Variants in POLR1F observed in about 807,000 individuals in gnomAD.
POLR1F encodes the protein RNA polymerase I subunit F.
Under a neutral mutation model 21.8 loss-of-function variants are expected in POLR1F, and 23 were observed. The observed-to-expected ratio is 1.05, with a 90% CI of 0.76 to 1.49. The LOEUF (loss-of-function observed/expected upper bound fraction) is 1.49, where lower values mean the gene tolerates loss of function less well. Among genes scored for constraint, POLR1F ranks in the 40% most tolerant of loss-of-function variants. The pLI is 0.00. For missense variants in POLR1F, 435 were observed against 412.1 expected, an observed-to-expected ratio of 1.06 and a Z score of -0.48; for synonymous variants, 162 against 152.8, an observed-to-expected ratio of 1.06 and a Z score of -0.45.
In POLR1F at chr7:19,696,046, G is replaced by C. The variant is rs968850575; in HGVS notation, c.*2270C>G. 6.6e-6 allele frequency: 1 copy of C among 152,110 alleles called. No homozygotes were observed. Among genetic ancestry groups the C allele is most frequent in the African/African-American group, 2.4e-5 (1 of 41,444 alleles). 9.4% of individuals were successfully genotyped at this position (152,110 alleles called of 1,614,324 possible). ...TGCACAGTGAAATGGGTGAATGATAGGAACTGGAGAGAGGGTAAGGGATCT... is the reference window on the plus strand; with the variant it reads ...TGCACAGTGAAATGGGTGAATGATACGAACTGGAGAGAGGGTAAGGGATCT... On this transcript the variant is annotated 3_prime_UTR_variant, in exon 4 of 4. Transcript: ENST00000222567.
intron 2 of POLR1F, 31 bp from the exon 3 acceptor site, chr7:19,700,311 A>G (rs1450055289): frequency 8.4e-6 from 13 of 1,556,406 alleles, no homozygotes; most frequent in Non-Finnish European, 1.2e-5. Flanking sequence ...AGAGCGTAAC[A>G]TAAAGAACAC....
Position 19,708,785 on chromosome 7 carries a change from C to T in POLR1F, c.232G>A (p.Glu78Lys), listed in dbSNP as rs778659435. The change falls in exon 1 of 4, where the codon GAG becomes AAG. Residue 78 changes from glutamate to lysine, a missense_variant. By Grantham distance (56) the Glu-to-Lys change is moderately conservative (BLOSUM62 1). Transcript: ENST00000222567. ...TACCTCTCAGAATAGCGAAGGAGCT[C>T]CGCATCAAGCTGTTCTCGAATGCCG... ...RTGIREQLDA[E>K]LLRYSESLLG... 6.2e-7 allele frequency: 1 copy of T among 1,613,002 alleles called. No homozygotes were observed. Among genetic ancestry groups the T allele is most frequent in the East Asian group, 2.2e-5 (1 of 44,852 alleles).
rs1783399280 is a variant in POLR1F at position 19,698,278 on chromosome 7, G to A, written c.*38C>T. 6.6e-7 allele frequency: 1 copy of A among 1,514,200 alleles called. No individual in the cohort carries two copies. Among genetic ancestry groups the A allele is most frequent in the African/African-American group, 1.4e-5 (1 of 71,692 alleles). 93.8% of individuals were successfully genotyped at this position (1,514,200 alleles called of 1,614,324 possible). On this transcript the variant is annotated 3_prime_UTR_variant, in exon 4 of 4. Transcript: ENST00000222567. ...AACATTTATTCATCTATTGTATGTA[G>A]ATCGATCTTTTAAAAACTGAATCGT... is the stretch of plus-strand genomic sequence containing the variant.
intron 1 of POLR1F, among the ~76,000 whole-genome samples, 172 bp from the exon 2 acceptor site, chr7:19,705,092 G>C (rs1227594709): frequency 6.6e-6 from 1 of 152,130 alleles, no homozygotes; most frequent in African/African-American, 2.4e-5. Flanking sequence ...GCCTCCCAAA[G>C]TGCTGAGATT....
chr7:19,699,353 C>G (rs1380373793), intron 3 of POLR1F, among the ~76,000 whole-genome samples: 4 of 152,136 alleles, frequency 2.6e-5, no homozygotes, highest in Non-Finnish European at 4.4e-5. Context: ...TACCTAATCA[C>G]TACCAAAAAC....
At position 19,708,980 on chromosome 7, in the gene POLR1F, C is replaced by T; in HGVS notation, c.37G>A (p.Ala13Thr). 1 of 1,597,380 alleles carries T rather than the reference C, an allele frequency of 6.3e-7. No individual in the cohort carries two copies. The highest frequency in any genetic ancestry group is 8.5e-7 in the Non-Finnish European group (1 of 1,170,174). ...AGCSEAPRPA[A>T]ASDGSLVGQA... ...CCTACCAGAGACCCATCAGAAGCCGCCGCTGGCCGCGGCGCCTCTGAGCAA... is the reference window on the plus strand; with the variant it reads ...CCTACCAGAGACCCATCAGAAGCCGTCGCTGGCCGCGGCGCCTCTGAGCAA... The change falls in exon 1 of 4, where the codon GCG (alanine) becomes ACG (threonine). Residue 13 changes from alanine to threonine, a missense_variant. Ala to Thr is a moderately conservative substitution (Grantham distance 58). Transcript: ENST00000222567.
In POLR1F at chr7:19,704,883, C is replaced by A. The variant is rs1190938409; in HGVS notation, c.292G>T (p.Val98Phe). Residue 98 changes from valine to phenylalanine, a missense_variant, in exon 2 of 4, where the codon GTT becomes TTT. Val to Phe is a conservative substitution (Grantham distance 50). Coordinates refer to ENST00000222567, the MANE Select transcript of POLR1F (RefSeq NM_001002926.2). ...TAAATATCTCCAAGCTCTCCCACAACTTTGATGTTATCATATGCAATAGGG... is the reference window on the plus strand; with the variant it reads ...TAAATATCTCCAAGCTCTCCCACAAATTTGATGTTATCATATGCAATAGGG... ...GVPIAYDNIK[V>F]VGELGDIYDD... 1 of 1,604,826 alleles carries A rather than the reference C, an allele frequency of 6.2e-7. No homozygotes were observed. The highest frequency in any genetic ancestry group is 2.2e-5 in the East Asian group (1 of 44,582).
At chr7:19,699,449 G>GT (rs1783421579) in intron 3 of POLR1F, among the ~76,000 whole-genome samples, 1 of 152,080 alleles carries the variant, frequency 6.6e-6, no homozygotes. Context: ...TATATAAACT[G>GT]TATTTCTGTC....
At chr7:19,703,621 G>A (rs1783475306) in intron 2 of POLR1F, among the ~76,000 whole-genome samples, 1 of 152,100 alleles carries the variant, frequency 6.6e-6, no homozygotes, top group African/African-American at 2.4e-5. Context: ...TTTACAGACA[G>A]GGTCTCACTG....
At position 19,698,521 on chromosome 7, in the gene POLR1F, C is replaced by T. The variant is rs758475027; in HGVS notation, c.812G>A (p.Trp271Ter). The T allele has an allele frequency of 6.2e-7, 1 of 1,605,910 alleles. No individual in the cohort carries two copies. Among genetic ancestry groups the T allele is most frequent in the African/African-American group, 1.4e-5 (1 of 74,040 alleles). Residue 271 changes from tryptophan (W) to a stop codon, truncating the protein, a stop_gained, in exon 4 of 4, where the codon TGG becomes TAG. Transcript: ENST00000222567. LOFTEE classifies it high-confidence loss of function. ...LQNTNNANGI[W>*]EEEPKKKKKK... Reference sequence around the variant, plus strand: ...CTTCTTTTTCTTTGGCTCCTCCTCCCAGATGCCATTCGCATTATTAGTATT... The same window carrying T: ...CTTCTTTTTCTTTGGCTCCTCCTCCTAGATGCCATTCGCATTATTAGTATT...
intron 1 of POLR1F, among the ~76,000 whole-genome samples, chr7:19,708,368 C>A (rs1041762429): frequency 6.6e-6 from 1 of 152,168 alleles, no homozygotes; most frequent in Non-Finnish European, 1.5e-5. Context: ...TCAAGCACTG[C>A]AAACCAGATT....
intron 1 of POLR1F, among the ~76,000 whole-genome samples, chr7:19,706,217 G>C (rs1256873754): frequency 1.3e-5 from 2 of 152,108 alleles, no homozygotes; most frequent in Non-Finnish European, 2.9e-5. Context: ...CTAACTCAGA[G>C]ACTTACTCGG....
In POLR1F at chr7:19,696,460, T is replaced by C. The variant is rs1316256469; in HGVS notation, c.*1856A>G. 6.6e-6 allele frequency: 1 copy of C among 152,118 alleles called. No homozygotes were observed. The highest frequency in any genetic ancestry group is 1.5e-5 in the Non-Finnish European group (1 of 67,952). The allele number at this position is 152,118 out of a possible 1,614,324, so 9.4% of individuals were successfully genotyped here. A position where few individuals can be genotyped will look rare whatever the true frequency, so the allele number is the denominator to read the frequency against. ...GAATAGCATAAATTTGCCATCTTTC[T>C]TGTGTCTATGGAAAAGGGGTTTAGA... On this transcript the variant is annotated 3_prime_UTR_variant, in exon 4 of 4. Transcript: ENST00000222567.
chr7:19,708,330 T>C (rs912011205), intron 1 of POLR1F, among the ~76,000 whole-genome samples: 1 of 152,212 alleles, frequency 6.6e-6, no homozygotes, highest in African/African-American at 2.4e-5. Context: ...ATGCTTCGTA[T>C]GCTATCTTCT....
Position 19,695,831 on chromosome 7 carries a change from T to C in POLR1F, c.*2485A>G, listed in dbSNP as rs535713320. On this transcript the variant is annotated 3_prime_UTR_variant, in exon 4 of 4. Transcript: ENST00000222567. ...CCACCTGGAATGCCACAGCTAGTTT[T>C]TCTTCTCCAAGGGTCAAAATGCTGC... The C allele has an allele frequency of 6.6e-6, 1 of 152,284 alleles. No homozygotes were observed. The highest frequency in any genetic ancestry group is 1.9e-4 in the East Asian group (1 of 5,186). The allele number at this position is 152,284 out of a possible 1,614,324, so 9.4% of individuals were successfully genotyped here.
Position 19,697,061 on chromosome 7 carries a change from A to G in POLR1F, c.*1255T>C, listed in dbSNP as rs1028687401. The G allele has an allele frequency of 3.9e-5, 6 of 152,128 alleles. No homozygotes were observed. Among genetic ancestry groups the G allele is most frequent in the Non-Finnish European group, 8.8e-5 (6 of 67,970 alleles). The allele number at this position is 152,128 out of a possible 1,614,324, so 9.4% of individuals were successfully genotyped here. On this transcript the variant is annotated 3_prime_UTR_variant, in exon 4 of 4. Transcript: ENST00000222567. ...CCACTAGCAGAATTTATTCATTACC[A>G]AATATTAAGCTGTGAGACCAGCACT...
At chr7:19,702,054 A>G (rs1192566194) in intron 2 of POLR1F, among the ~76,000 whole-genome samples, 1 of 152,168 alleles carries the variant, frequency 6.6e-6, no homozygotes, top group Non-Finnish European at 1.5e-5. Context: ...GTGAGGAGCA[A>G]TACCTCAATA....
chr7:19,700,402 T>A, intron 2 of POLR1F, 122 bp from the exon 3 acceptor site: 1 of 731,984 alleles, frequency 1.4e-6, no homozygotes, highest in Non-Finnish European at 2.2e-6. Flanking sequence ...AATGGTCTAA[T>A]TTAATATGGA....
At chr7:19,700,038 G>A in intron 3 of POLR1F, 34 bp downstream of exon 3, 2 of 1,509,002 alleles carry the variant, frequency 1.3e-6, no homozygotes, top group Non-Finnish European at 1.8e-6. Flanking sequence ...TAGAAATTAA[G>A]TACCTAGTGA....
Sources: gnomAD v4.1 joint callset for allele counts (sites outside exome capture counted in the v4.1 genomes callset) on GRCh38, gnomAD v4.1.1 for gene constraint, MANE v1.5 for transcripts, NCBI Gene and HGNC (gene_info 2026-07-23, HGNC 2026-07-21) for gene names.